CHN1: variants seen among roughly 807,000 people sequenced by gnomAD.
CHN1 encodes N-chimaerin.
In CHN1, 37 loss-of-function variants were observed where a neutral mutation model predicts 59.5. That is an observed-to-expected ratio of 0.62 (90% confidence interval 0.48 to 0.82). The LOEUF (loss-of-function observed/expected upper bound fraction) is 0.82, where lower values mean the gene tolerates loss of function less well. Among genes scored for constraint, CHN1 ranks in the 40% least tolerant of loss-of-function variants. CHN1 has a pLI of 0.00. For missense variants in CHN1, 469 were observed against 571.0 expected, an observed-to-expected ratio of 0.82 and a Z score of 1.82; for synonymous variants, 206 against 200.4, an observed-to-expected ratio of 1.03 and a Z score of -0.24.
intron 7 of CHN1, among the ~76,000 whole-genome samples, chr2:174,831,946 T>C (rs1685895167): frequency 6.6e-6 from 1 of 152,124 alleles, no homozygotes; most frequent in Non-Finnish European, 1.5e-5. Context: ...TTACATTCCA[T>C]AGCTGAGTGA....
At chr2:174,838,145 G>A (rs961732158) in intron 7 of CHN1, among the ~76,000 whole-genome samples, 2 of 151,906 alleles carry the variant, frequency 1.3e-5, no homozygotes, top group Admixed American at 6.5e-5. Flanking sequence ...CCAGGCTGGA[G>A]TGCAATGGCA....
intron 6 of CHN1, among the ~76,000 whole-genome samples, chr2:174,862,218 C>T (rs1411220792): frequency 6.6e-6 from 1 of 152,116 alleles, no homozygotes; most frequent in Non-Finnish European, 1.5e-5. Context: ...TTGTTGTTTT[C>T]ACTGCCAAAA....
chr2:174,941,218 A>G (rs1388574725), intron 3 of CHN1, among the ~76,000 whole-genome samples: 2 of 152,070 alleles, frequency 1.3e-5, no homozygotes, highest in Admixed American at 1.3e-4. Context: ...TTCCAACACA[A>G]TATGTTCCAG....
intron 4 of CHN1, 183 bp from the exon 5 acceptor site, chr2:174,915,354 C>T (rs1688816536): frequency 1.7e-6 from 1 of 591,650 alleles, no homozygotes; most frequent in Non-Finnish European, 3.0e-6. Flanking sequence ...CCCCAGCCAG[C>T]TTCTCTGTGG....
intron 8 of CHN1, among the ~76,000 whole-genome samples, chr2:174,814,578 CA>C (rs1362796348): frequency 6.6e-6 from 1 of 152,098 alleles, no homozygotes; most frequent in Non-Finnish European, 1.5e-5. Context: ...AAAATGGGAA[CA>C]ATAATAGTGT....
chr2:174,836,393 G>A (rs942534701), intron 7 of CHN1, among the ~76,000 whole-genome samples: 1 of 152,090 alleles, frequency 6.6e-6, no homozygotes, highest in East Asian at 1.9e-4. Context: ...CTACTGATTC[G>A]TTCATGTGAA....
At chr2:174,823,680 AT>A (rs958312355) in intron 8 of CHN1, among the ~76,000 whole-genome samples, 1 of 152,042 alleles carries the variant, frequency 6.6e-6, no homozygotes, top group Non-Finnish European at 1.5e-5. Flanking sequence ...AAAAAAAAGA[AT>A]TTAAAGTAGT....
intron 7 of CHN1, among the ~76,000 whole-genome samples, chr2:174,837,670 A>T (rs1466395865): frequency 6.6e-6 from 1 of 152,166 alleles, no homozygotes; most frequent in Non-Finnish European, 1.5e-5. Flanking sequence ...GAATCTCAAG[A>T]TAATTTAAGA....
intron 1 of CHN1, among the ~76,000 whole-genome samples, chr2:174,973,908 G>T (rs1177665203): frequency 1.3e-5 from 2 of 152,170 alleles, no homozygotes; most frequent in East Asian, 3.8e-4. Context: ...AAATATAGAT[G>T]TAACTAGAAA....
At chr2:174,802,003 G>A (rs912931747) in intron 11 of CHN1, 191 bp from the exon 12 acceptor site, 1 of 458,850 alleles carries the variant, frequency 2.2e-6, no homozygotes, top group South Asian at 2.2e-5. Context: ...TAGTTTCAAT[G>A]TGGCAACACT....
intron 3 of CHN1, among the ~76,000 whole-genome samples, chr2:174,924,312 CTTAT>C (rs1489541191): frequency 6.6e-6 from 1 of 152,172 alleles, no homozygotes; most frequent in Non-Finnish European, 1.5e-5. Context: ...ACTAAAAATT[CTTAT>C]TTATCACATA....
intron 5 of CHN1, among the ~76,000 whole-genome samples, chr2:174,908,141 C>T (rs1404724135): frequency 6.6e-6 from 1 of 152,106 alleles, no homozygotes; most frequent in Non-Finnish European, 1.5e-5. Context: ...TGTTCTTCTC[C>T]CAATTTAGAG....
At chr2:174,987,628 G>T (rs1691392951) in intron 1 of CHN1, among the ~76,000 whole-genome samples, 1 of 152,006 alleles carries the variant, frequency 6.6e-6, no homozygotes, top group Non-Finnish European at 1.5e-5. Flanking sequence ...TACAGATGGG[G>T]TTTCACTGTA....
intron 12 of CHN1, among the ~76,000 whole-genome samples, chr2:174,800,644 C>A (rs1449074032): frequency 1.3e-5 from 2 of 152,184 alleles, no homozygotes. Flanking sequence ...AATCCACCCA[C>A]CCTCCCTTCA....
intron 1 of CHN1, among the ~76,000 whole-genome samples, chr2:174,974,005 T>C (rs1250859428): frequency 2.0e-5 from 3 of 152,190 alleles, no homozygotes; most frequent in African/African-American, 7.2e-5. Context: ...GGTCTCAAGA[T>C]ATCATACTTT....
At chr2:174,894,782 G>T (rs1688160134) in intron 5 of CHN1, among the ~76,000 whole-genome samples, 3 of 152,022 alleles carry the variant, frequency 2.0e-5, no homozygotes, top group Admixed American at 2.0e-4. Context: ...CTCATACATG[G>T]TTTCGTTTTC....
intron 2 of CHN1, among the ~76,000 whole-genome samples, chr2:174,946,830 A>G (rs906369616): frequency 3.5e-4 from 52 of 150,520 alleles, no homozygotes; most frequent in African/African-American, 1.1e-3. Context: ...TTGGGAGGCC[A>G]AGGTGGGAGG....
intron 6 of CHN1, among the ~76,000 whole-genome samples, chr2:174,852,792 C>G (rs1686778807): frequency 6.6e-6 from 1 of 151,976 alleles, no homozygotes; most frequent in Admixed American, 6.6e-5. Flanking sequence ...TTAAAACAAT[C>G]TGATCTTCGA....
At chr2:174,954,804 G>T (rs1690137208) in intron 1 of CHN1, among the ~76,000 whole-genome samples, 1 of 152,128 alleles carries the variant, frequency 6.6e-6, no homozygotes, top group South Asian at 2.1e-4. Flanking sequence ...AAATGGTGTG[G>T]ATGTGGTGAA....
Sources: allele counts gnomAD v4.1 joint callset (sites outside exome capture counted in the v4.1 genomes callset), GRCh38; gene constraint gnomAD v4.1.1; transcripts MANE v1.5; gene names NCBI Gene and HGNC (gene_info 2026-07-23, HGNC 2026-07-21).